The following SLC4A5 variants were observed in gnomAD, a reference collection of about 807,000 sequenced individuals.
SLC4A5 encodes electrogenic sodium bicarbonate cotransporter 4.
SLC4A5 carries 96 observed loss-of-function variants against 120.4 expected under a neutral mutation model. That is an observed-to-expected ratio of 0.80 (90% CI 0.68 to 0.94). The LOEUF is 0.94. Ranked by LOEUF, SLC4A5 falls within the 40% of genes least tolerant of loss-of-function variation. The pLI is 0.00. For synonymous variants in SLC4A5, 550 were observed against 571.1 expected, an observed-to-expected ratio of 0.96 and a Z score of 0.53; for missense variants, 1,259 against 1,459.5, an observed-to-expected ratio of 0.86 and a Z score of 2.24.
intron 28 of SLC4A5, 21 bp from the exon 29 acceptor site, chr2:74,222,973 AAG>A (rs752508779): frequency 2.5e-5 from 39 of 1,555,140 alleles, no homozygotes; most frequent in Non-Finnish European, 3.4e-5. Flanking sequence ...ACAGTGGGAA[AAG>A]AGGATAAACA....
At chr2:74,277,799 A>AT (rs1218849983) in intron 8 of SLC4A5, among the ~76,000 whole-genome samples, 1 of 152,210 alleles carries the variant, frequency 6.6e-6, no homozygotes, top group Non-Finnish European at 1.5e-5. Context: ...ATTTTTCTCA[A>AT]TTTTATTAGG....
chr2:74,291,067 C>T (rs1441285079), intron 7 of SLC4A5, among the ~76,000 whole-genome samples: 1 of 152,276 alleles, frequency 6.6e-6, no homozygotes, highest in African/African-American at 2.4e-5. Context: ...GGGTCTCACA[C>T]TGACCAAGCA....
At chr2:74,240,636 GCTGATGC>G (rs1052684769) in intron 20 of SLC4A5, among the ~76,000 whole-genome samples, 2 of 152,028 alleles carry the variant, frequency 1.3e-5, no homozygotes, top group African/African-American at 4.8e-5. Context: ...AGGCACAGTG[GCTGATGC>G]CTGTAGTCCC....
chr2:74,275,092 C>T (rs535737021), intron 8 of SLC4A5, among the ~76,000 whole-genome samples: 2 of 152,240 alleles, frequency 1.3e-5, no homozygotes, highest in South Asian at 2.1e-4. Flanking sequence ...CCGCTGAGGG[C>T]CTTTGGTGAT....
At chr2:74,279,881 G>T (rs1385021507) in intron 8 of SLC4A5, among the ~76,000 whole-genome samples, 1 of 152,088 alleles carries the variant, frequency 6.6e-6, no homozygotes, top group East Asian at 1.9e-4. Flanking sequence ...CTTGTCAATT[G>T]TACCTTTTAA....
At chr2:74,343,090 G>A (rs536850770) in intron 1 of SLC4A5, among the ~76,000 whole-genome samples, 15 of 152,270 alleles carry the variant, frequency 9.9e-5, no homozygotes, top group East Asian at 3.9e-4. Context: ...GAACAAAATC[G>A]CAACACTACT....
At chr2:74,280,588 G>C (rs1056043033) in intron 8 of SLC4A5, among the ~76,000 whole-genome samples, 3 of 152,216 alleles carry the variant, frequency 2.0e-5, no homozygotes, top group African/African-American at 7.2e-5. Context: ...GGCTCCACTG[G>C]AAGGTTGATT....
At chr2:74,337,319 C>T (rs1471061683) in intron 3 of SLC4A5, among the ~76,000 whole-genome samples, 3 of 152,128 alleles carry the variant, frequency 2.0e-5, no homozygotes, top group South Asian at 2.1e-4. Context: ...CAGGCACCAA[C>T]GACCCAGGAC....
exon 19 of SLC4A5, chr2:74,247,206 T>G (rs757188418): frequency 1.2e-6 from 2 of 1,614,162 alleles, no homozygotes; most frequent in East Asian, 2.2e-5. Flanking sequence ...GGTGATATAT[T>G]TGATGATAAA....
intron 15 of SLC4A5, among the ~76,000 whole-genome samples, 182 bp from the exon 16 acceptor site, chr2:74,252,570 C>CTTA (rs1220607574): frequency 6.6e-6 from 1 of 152,180 alleles, no homozygotes; most frequent in Non-Finnish European, 1.5e-5. Flanking sequence ...TCTGATATAT[C>CTTA]TTATTATTTT....
At chr2:74,248,873 G>A (rs180804857) in intron 17 of SLC4A5, among the ~76,000 whole-genome samples, 48 of 152,348 alleles carry the variant, frequency 3.2e-4, no homozygotes, top group African/African-American at 1.1e-3. Flanking sequence ...AAAGTCCGCT[G>A]AGTGTCTGCT....
intron 7 of SLC4A5, among the ~76,000 whole-genome samples, chr2:74,294,145 G>A (rs1022043756): frequency 6.6e-6 from 1 of 152,122 alleles, no homozygotes; most frequent in African/African-American, 2.4e-5. Flanking sequence ...AGTATGTTGG[G>A]GGTCAGGGGA....
At chr2:74,340,924 T>C (rs1368524632) in intron 2 of SLC4A5, among the ~76,000 whole-genome samples, 1 of 152,122 alleles carries the variant, frequency 6.6e-6, no homozygotes, top group Non-Finnish European at 1.5e-5. Context: ...ATTATTAAAA[T>C]GAGACTGAGA....
exon 29 of SLC4A5, chr2:74,222,892 G>C: frequency 6.2e-7 from 1 of 1,613,844 alleles, no homozygotes; most frequent in Non-Finnish European, 8.5e-7. Context: ...ATACCGTTTT[G>C]GGGATCTGAT....
intron 6 of SLC4A5, chr2:74,307,684 T>C (rs1314527382): frequency 2.1e-6 from 2 of 949,304 alleles, no homozygotes; most frequent in Non-Finnish European, 3.3e-6. Context: ...CGGATTTTGC[T>C]CTCCAGCTTC....
chr2:74,223,455 A>C (rs1049644150), intron 28 of SLC4A5, among the ~76,000 whole-genome samples: 9 of 152,174 alleles, frequency 5.9e-5, no homozygotes, highest in Admixed American at 5.2e-4. Context: ...TCCTATACAC[A>C]CCATCAGACA....
At chr2:74,236,789 G>A (rs1468500286) in intron 21 of SLC4A5, among the ~76,000 whole-genome samples, 1 of 152,020 alleles carries the variant, frequency 6.6e-6, no homozygotes, top group Admixed American at 6.6e-5. Context: ...AACTTCATAT[G>A]GTCCAACCTA....
At chr2:74,234,252 C>G (rs1247688323) in intron 22 of SLC4A5, among the ~76,000 whole-genome samples, 1 of 151,450 alleles carries the variant, frequency 6.6e-6, no homozygotes, top group East Asian at 1.9e-4. Context: ...GATCTCCGCT[C>G]ACTGCAAGCT....
chr2:74,227,813 G>A, exon 26 of SLC4A5: 1 of 1,608,788 alleles, frequency 6.2e-7, no homozygotes, highest in South Asian at 1.1e-5. Context: ...GCCTTACCTG[G>A]ATGCCATTCA....
Sources: allele counts gnomAD v4.1 joint callset (sites outside exome capture counted in the v4.1 genomes callset), GRCh38; gene constraint gnomAD v4.1.1; transcripts MANE v1.5; gene names NCBI Gene and HGNC (gene_info 2026-07-23, HGNC 2026-07-21).